The following BLVRB variants were observed in gnomAD, a reference collection of about 807,000 sequenced individuals.
The protein encoded by BLVRB is biliverdin reductase B.
A neutral mutation model predicts 21.1 loss-of-function variants in BLVRB; 25 were observed. That is an observed-to-expected ratio of 1.19 (90% CI 0.86 to 1.66). The LOEUF is 1.66. Ranked by LOEUF, BLVRB falls within the 40% of genes most tolerant of loss-of-function variation. The probability of loss-of-function intolerance (pLI) is 0.00; values close to 1 mark genes in which losing one functional copy is unlikely to be tolerated. For synonymous variants in BLVRB, 128 were observed against 122.2 expected, an observed-to-expected ratio of 1.05 and a Z score of -0.31; for missense variants, 274 against 282.7, an observed-to-expected ratio of 0.97 and a Z score of 0.22.
At position 40,458,182 on chromosome 19, in the gene BLVRB, C is replaced by A. The variant is rs746900518; in HGVS notation, c.307G>T (p.Val103Leu). 2 of 1,614,120 alleles carry A rather than the reference C, an allele frequency of 1.2e-6. No homozygotes were observed. Among genetic ancestry groups the A allele is most frequent in the Non-Finnish European group, 1.7e-6 (2 of 1,180,006 alleles). The change falls in exon 3 of 5, where the codon GTG becomes TTG. Residue 103 changes from valine to leucine, a missense_variant. Val to Leu is a conservative substitution (Grantham distance 32, BLOSUM62 1). Transcript: ENST00000263368. ...NIVAAMKAHG[V>L]DKVVACTSAF... ...GAGGTGCAGGCCACGACCTTGTCCA[C>A]ACCATGAGCCTTCATGGCTGCCACA...
At chr19:40,454,736 G>A (rs962067453) in intron 3 of BLVRB, among the ~76,000 whole-genome samples, 5 of 151,870 alleles carry the variant, frequency 3.3e-5, no homozygotes, top group African/African-American at 9.7e-5. Flanking sequence ...TAGTAGAGAC[G>A]GTGTTTCACT....
chr19:40,448,236 A>C (rs1355473813), intron 4 of BLVRB, among the ~76,000 whole-genome samples, 190 bp from the exon 5 acceptor site: 1 of 152,018 alleles, frequency 6.6e-6, no homozygotes, highest in East Asian at 1.9e-4. Flanking sequence ...ATAAATCCTT[A>C]TTGATTACCT....
At chr19:40,462,280 T>C (rs4803340) in intron 1 of BLVRB, among the ~76,000 whole-genome samples, 32,344 of 114,232 alleles carry the variant, frequency 0.28, 3,704 homozygotes, top group African/African-American at 0.35. Context: ...ATGGGCATTC[T>C]TTTTTTTTTT....
At position 40,453,944 on chromosome 19, in the gene BLVRB, C is replaced by T. The variant is rs185576306; in HGVS notation, c.335-2452G>A. ...AGGCTGCAGTGAGCTGTGATTGCACCGCTGCACTCCAGCCTGGACAACAGA... is the reference window on the plus strand; with the variant it reads ...AGGCTGCAGTGAGCTGTGATTGCACTGCTGCACTCCAGCCTGGACAACAGA... On this transcript the variant is annotated intron_variant, in intron 3 of 4. Transcript: ENST00000263368. Among the ~76,000 whole-genome samples, 25 of 152,228 alleles carry T rather than the reference C, an allele frequency of 1.6e-4. No individual in the cohort carries two copies. In the East Asian group the frequency reaches 3.5e-3, roughly 21 times the overall value.
intron 3 of BLVRB, among the ~76,000 whole-genome samples, chr19:40,456,695 T>C (rs1232631738): frequency 6.6e-6 from 1 of 152,144 alleles, no homozygotes; most frequent in Non-Finnish European, 1.5e-5. Context: ...AACATCAGCC[T>C]GGCCAACATG....
At chr19:40,461,006 C>A (rs2079785105) in intron 1 of BLVRB, among the ~76,000 whole-genome samples, 1 of 150,916 alleles carries the variant, frequency 6.6e-6, no homozygotes, top group South Asian at 2.1e-4. Context: ...CAAACAACAA[C>A]AACAACAATA....
chr19:40,458,762 C>T (rs1290748041), intron 1 of BLVRB, among the ~76,000 whole-genome samples: 1 of 152,054 alleles, frequency 6.6e-6, no homozygotes, highest in Non-Finnish European at 1.5e-5. Flanking sequence ...GGTGCAGTCA[C>T]AGCTCACTGC....
chr19:40,457,875 C>T (rs1054193592), intron 3 of BLVRB: 38 of 416,694 alleles, frequency 9.1e-5, no homozygotes, highest in Non-Finnish European at 1.5e-4. Flanking sequence ...TGGCCCTATC[C>T]CCTCTGCCTG....
chr19:40,465,533 G>A, intron 1 of BLVRB, 77 bp downstream of exon 1: 4 of 1,530,430 alleles, frequency 2.6e-6, no homozygotes, highest in Non-Finnish European at 3.5e-6. Context: ...AATCAGCCTC[G>A]GCCCGACCCC....
At chr19:40,453,533 A>G (rs2079749780) in intron 3 of BLVRB, among the ~76,000 whole-genome samples, 1 of 152,196 alleles carries the variant, frequency 6.6e-6, no homozygotes, top group African/African-American at 2.4e-5. Context: ...GCCAAGCTAC[A>G]CCAGCTGACA....
intron 1 of BLVRB, among the ~76,000 whole-genome samples, chr19:40,464,301 C>T (rs1009685500): frequency 4.6e-5 from 7 of 151,932 alleles, no homozygotes; most frequent in Admixed American, 2.0e-4. Context: ...GCTACGTTGC[C>T]CAGGCTAGTC....
chr19:40,449,291 G>T lies in BLVRB; in HGVS notation c.464-1245C>A, dbSNP rs537562997. Reference sequence around the variant, plus strand: ...GATAGAGTCTTGCTCTGTCACCCAGGCTGGAGTACAGTGGTGCAATCTTGG... The same window carrying T: ...GATAGAGTCTTGCTCTGTCACCCAGTCTGGAGTACAGTGGTGCAATCTTGG... On this transcript the variant is annotated intron_variant, in intron 4 of 4. Coordinates refer to ENST00000263368, the MANE Select transcript of BLVRB (RefSeq NM_000713.3). Among the ~76,000 whole-genome samples, 3 of 152,004 alleles carry T rather than the reference G, an allele frequency of 2.0e-5. No homozygotes were observed. In the South Asian group the frequency reaches 6.2e-4, roughly 32 times the overall value.
In BLVRB at chr19:40,451,262, T is replaced by A; in HGVS notation, c.463+102A>T. 3.3e-6 allele frequency: 5 copies of A among 1,503,256 alleles called. No homozygotes were observed. In the South Asian group the frequency reaches 6.2e-5, roughly 19 times the overall value. The allele number at this position is 1,503,256 out of a possible 1,614,324, so 93.1% of individuals were successfully genotyped here. ...ATATGTCACAATATCATAGGAAGGT[T>A]TGCAATTTTAGGGTGGTCAGGGAAG... is the stretch of plus-strand genomic sequence containing the variant. On this transcript the variant is annotated intron_variant, in intron 4 of 4. Coordinates refer to ENST00000263368, the MANE Select transcript of BLVRB (RefSeq NM_000713.3).
intron 1 of BLVRB, among the ~76,000 whole-genome samples, chr19:40,464,472 C>A (rs2079802031): frequency 6.6e-6 from 1 of 152,110 alleles, no homozygotes; most frequent in Admixed American, 6.5e-5. Flanking sequence ...CTGAAGCTCC[C>A]TAGGCTCCAG....
Position 40,447,799 on chromosome 19 carries a change from G to A in BLVRB, c.*90C>T, listed in dbSNP as rs2079720546. 1 of 1,449,734 alleles carries A rather than the reference G, an allele frequency of 6.9e-7. No homozygotes were observed. Among genetic ancestry groups the A allele is most frequent in the Admixed American group, 2.0e-5 (1 of 50,676 alleles). The allele number at this position is 1,449,734 out of a possible 1,614,324, so 89.8% of individuals were successfully genotyped here. On this transcript the variant is annotated 3_prime_UTR_variant, in exon 5 of 5. Coordinates refer to ENST00000263368, the MANE Select transcript of BLVRB (RefSeq NM_000713.3). ...GAGTCACACAGTCGGTTTCTCTAGA[G>A]TAATTTGAAGCTCTTGGCTCAACAT... is the stretch of plus-strand genomic sequence containing the variant.
intron 1 of BLVRB, among the ~76,000 whole-genome samples, chr19:40,464,102 G>T (rs426970): frequency 0.61 from 91,413 of 150,758 alleles, 29,542 homozygotes; most frequent in African/African-American, 0.84. Context: ...TTTTAAATTT[G>T]AGAGACAGGG....
chr19:40,456,655 G>A (rs1049848358), intron 3 of BLVRB, among the ~76,000 whole-genome samples: 1 of 152,174 alleles, frequency 6.6e-6, no homozygotes, highest in African/African-American at 2.4e-5. Flanking sequence ...GGAAGGCTGA[G>A]GTGGGAGGAC....
intron 1 of BLVRB, among the ~76,000 whole-genome samples, chr19:40,462,680 A>C (rs2079793210): frequency 6.7e-6 from 1 of 149,126 alleles, no homozygotes; most frequent in Non-Finnish European, 1.5e-5. Context: ...TCATGAGGTC[A>C]GGAGATGGAG....
chr19:40,458,684 G>T (rs1002213552), intron 1 of BLVRB, 139 bp from the exon 2 acceptor site: 22 of 1,220,214 alleles, frequency 1.8e-5, no homozygotes, highest in African/African-American at 6.2e-5. Flanking sequence ...AACATTTTTG[G>T]TTTTTTCTTT....
Sources: gnomAD v4.1 joint callset for allele counts (sites outside exome capture counted in the v4.1 genomes callset) on GRCh38, gnomAD v4.1.1 for gene constraint, MANE v1.5 for transcripts, NCBI Gene and HGNC (gene_info 2026-07-23, HGNC 2026-07-21) for gene names.